Variants in TPCN1 observed in about 807,000 individuals in gnomAD.
TPCN1 encodes the protein two pore channel protein 1.
Under a neutral mutation model 108.8 loss-of-function variants are expected in TPCN1, and 52 were observed. The ratio of observed to expected loss-of-function variants is 0.48; its 90% confidence interval spans 0.38 to 0.60. The LOEUF (loss-of-function observed/expected upper bound fraction) is 0.60, where lower values mean the gene tolerates loss of function less well. TPCN1 is among the 20% of genes least tolerant of loss of function. TPCN1 has a pLI of 0.00. For synonymous variants in TPCN1, 446 were observed against 433.7 expected (o/e 1.03, Z -0.35); for missense variants, 806 against 1,072.8 (o/e 0.75, Z 3.47).
chr12:113,295,443 TAAAAA>T (rs61221998), intron 27 of TPCN1, among the ~76,000 whole-genome samples: 23 of 92,088 alleles, frequency 2.5e-4, no homozygotes, highest in African/African-American at 8.6e-4. Flanking sequence ...CTCTGTCTCC[TAAAAA>T]AAAAAAAAAA....
At chr12:113,283,722 G>T (rs958497751) in intron 15 of TPCN1, among the ~76,000 whole-genome samples, 3 of 152,030 alleles carry the variant, frequency 2.0e-5, no homozygotes, top group Non-Finnish European at 2.9e-5. Flanking sequence ...CACCCAAGCT[G>T]GAGTGCAGTG....
chr12:113,221,546 G>C lies in TPCN1; in HGVS notation c.-206G>C, dbSNP rs1215647436. 4 of 272,230 alleles carry C rather than the reference G, an allele frequency of 1.5e-5. No homozygotes were observed. The highest frequency in any genetic ancestry group is 1.1e-4 in the East Asian group (1 of 9,206). The allele number at this position is 272,230 out of a possible 1,614,324, so 16.9% of individuals were successfully genotyped here. On this transcript the variant is annotated 5_prime_UTR_variant, in exon 1 of 28. Coordinates refer to ENST00000335509, the MANE Select transcript of TPCN1 (RefSeq NM_017901.6). ...CGGCGGCTGCAACAGCTTCGGGCTC[G>C]GGGTTTTGGCGGCGGCGCCGGCGGG...
chr12:113,250,549 T>C (rs1954593371), intron 2 of TPCN1, among the ~76,000 whole-genome samples: 1 of 152,220 alleles, frequency 6.6e-6, no homozygotes, highest in Non-Finnish European at 1.5e-5. Context: ...CAGTCCCCAC[T>C]AAGGGCCCAG....
At position 113,292,965 on chromosome 12, in the gene TPCN1, C is replaced by A; in HGVS notation, c.2145C>A (p.Ile715=). 1 of 1,613,194 alleles carries A rather than the reference C, an allele frequency of 6.2e-7. No individual in the cohort carries two copies. Among genetic ancestry groups the A allele is most frequent in the Non-Finnish European group, 8.5e-7 (1 of 1,180,000 alleles). The change falls in exon 26 of 28, where the codon ATC becomes ATA. Residue 715 remains isoleucine (I), a synonymous_variant. Transcript: ENST00000335509. ...VDGGITLEKE[I]SKEELVAVLE... is the part of the protein sequence containing the mutation. ...GTGGCATCACCCTTGAGAAGGAAATCTCCAAAGAAGAGCTGGTTGCCGTCC... is the reference window on the plus strand; with the variant it reads ...GTGGCATCACCCTTGAGAAGGAAATATCCAAAGAAGAGCTGGTTGCCGTCC...
chr12:113,275,645 T>C (rs1955648005), intron 10 of TPCN1, among the ~76,000 whole-genome samples: 1 of 151,382 alleles, frequency 6.6e-6, no homozygotes, highest in Admixed American at 6.6e-5. Flanking sequence ...CGATCTCGGC[T>C]CACTACAACC....
In TPCN1 at chr12:113,292,983, T is replaced by C. The variant is rs1207773514; in HGVS notation, c.2163T>C (p.Val721=). The change falls in exon 26 of 28, where the codon GTT becomes GTC. Residue 721 remains valine, a synonymous_variant. Transcript: ENST00000335509. ...LEKEISKEEL[V]AVLELYREAR... is the part of the protein sequence containing the mutation. Reference sequence around the variant, plus strand: ...AGGAAATCTCCAAAGAAGAGCTGGTTGCCGTCCTGGAGCTCTACCGGGAGG... The same window carrying C: ...AGGAAATCTCCAAAGAAGAGCTGGTCGCCGTCCTGGAGCTCTACCGGGAGG... The C allele has an allele frequency of 3.7e-6, 6 of 1,613,208 alleles. No homozygotes were observed. The highest frequency in any genetic ancestry group is 5.1e-6 in the Non-Finnish European group (6 of 1,180,006).
rs1350698734 is a variant in TPCN1, at chr12:113,273,313, C to T, written c.842+23C>T. 1.9e-6 allele frequency: 3 copies of T among 1,613,070 alleles called. No individual in the cohort carries two copies. The highest frequency in any genetic ancestry group is 3.3e-5 in the Admixed American group (2 of 60,022). ...CAAGTAAGTGCAGGCTCTGCCTTGC[C>T]TTTGGTCCTCTGCTGCCGCCCTGGG... is the stretch of plus-strand genomic sequence containing the variant. On this transcript the variant is annotated intron_variant, in intron 9 of 27. Transcript: ENST00000335509. The surrounding 1 kb of genome is among the most constrained non-coding windows in gnomAD (Gnocchi z 4.0).
intron 2 of TPCN1, among the ~76,000 whole-genome samples, chr12:113,246,683 GAGGTCGT>G (rs1954399795): frequency 6.6e-6 from 1 of 152,240 alleles, no homozygotes; most frequent in African/African-American, 2.4e-5. Flanking sequence ...GCCCCGTGGT[GAGGTCGT>G]CCTGTCTTCT....
intron 2 of TPCN1, among the ~76,000 whole-genome samples, chr12:113,250,440 C>T (rs1954589341): frequency 6.6e-6 from 1 of 152,226 alleles, no homozygotes; most frequent in African/African-American, 2.4e-5. Flanking sequence ...TGTCCATAAC[C>T]AATAGCTGTG....
At chr12:113,264,556 G>A (rs1232927855) in intron 3 of TPCN1, among the ~76,000 whole-genome samples, 2 of 151,998 alleles carry the variant, frequency 1.3e-5, no homozygotes, top group Non-Finnish European at 2.9e-5. Flanking sequence ...GTGCACGCCT[G>A]TCATTCCAGC....
intron 2 of TPCN1, among the ~76,000 whole-genome samples, chr12:113,251,487 A>G (rs2136530787): frequency 6.6e-6 from 1 of 152,318 alleles, no homozygotes; most frequent in South Asian, 2.1e-4. Context: ...TCGTTCCACC[A>G]TTGGCAACAC....
At position 113,297,978 on chromosome 12, in the gene TPCN1, A is replaced by T. The variant is rs550760433; in HGVS notation, c.*1902A>T. 6.6e-6 allele frequency: 1 copy of T among 152,390 alleles called. No homozygotes were observed. Among genetic ancestry groups the T allele is most frequent in the East Asian group, 1.9e-4 (1 of 5,166 alleles). The allele number at this position is 152,390 out of a possible 1,614,324, so 9.4% of individuals were successfully genotyped here. A position where few individuals can be genotyped will look rare whatever the true frequency, so the allele number is the denominator to read the frequency against. ...CCAGGGGTGGAAACGTGGAGGGGCC[A>T]GCAGCACCCCGGGGTCTGCCCAGGG... On this transcript the variant is annotated 3_prime_UTR_variant, in exon 28 of 28. Coordinates refer to ENST00000335509, the MANE Select transcript of TPCN1 (RefSeq NM_017901.6). This position sits in a 1 kb window ranked among gnomAD's most constrained non-coding sequence, Gnocchi z 4.4.
Position 113,267,829 on chromosome 12 carries a change from C to T in TPCN1, c.415-14C>T. ...GGGCTGGCCATGACACATCTCCACA[C>T]CCTCTGGTCTCAGGTCCACGCCACC... On this transcript the variant is annotated splice_polypyrimidine_tract_variant and intron_variant, in intron 4 of 27. Transcript: ENST00000335509. The T allele has an allele frequency of 2.5e-6, 4 of 1,597,468 alleles. No homozygotes were observed. The highest frequency in any genetic ancestry group is 1.3e-5 in the African/African-American group (1 of 74,692).
intron 15 of TPCN1, among the ~76,000 whole-genome samples, chr12:113,283,916 C>T (rs937491268): frequency 3.9e-5 from 6 of 152,194 alleles, no homozygotes; most frequent in African/African-American, 9.7e-5. Flanking sequence ...TCACGCAATC[C>T]ACCTGCCCCA....
Position 113,268,635 on chromosome 12 carries a change from C to A in TPCN1, c.529-107C>A. 7.0e-7 allele frequency: 1 copy of A among 1,424,704 alleles called. No individual in the cohort carries two copies. The highest frequency in any genetic ancestry group is 9.5e-7 in the Non-Finnish European group (1 of 1,047,274). 88.3% of individuals were successfully genotyped at this position (1,424,704 alleles called of 1,614,324 possible). On this transcript the variant is annotated intron_variant, in intron 5 of 27. Coordinates refer to ENST00000335509, the MANE Select transcript of TPCN1 (RefSeq NM_017901.6). The surrounding 1 kb of genome is among the most constrained non-coding windows in gnomAD (Gnocchi z 7.3). ...TGAGAGGGCTGGAGAGAGGAGAAGGCCTCCCGAGGCCAGAGTGGGCACTGC... is the reference window on the plus strand; with the variant it reads ...TGAGAGGGCTGGAGAGAGGAGAAGGACTCCCGAGGCCAGAGTGGGCACTGC...
Position 113,260,372 on chromosome 12 carries a change from C to A in TPCN1, c.117C>A (p.Gly39=), listed in dbSNP as rs539680511. The A allele has an allele frequency of 8.0e-6, 12 of 1,494,540 alleles. No homozygotes were observed. Among genetic ancestry groups the A allele is most frequent in the Non-Finnish European group, 9.8e-6 (11 of 1,125,048 alleles). The allele number at this position is 1,494,540 out of a possible 1,614,324, so 92.6% of individuals were successfully genotyped here. A position where few individuals can be genotyped will look rare whatever the true frequency, so the allele number is the denominator to read the frequency against. ...LGQEELPSKN[G]GSYAIHDSQA... ...CTCTCTCCTCTTCCAATGCAGATGG[C>A]GGCAGCTATGCCATCCACGACTCCC... Residue 39 remains glycine, a synonymous_variant, in exon 3 of 28, where the codon GGC becomes GGA. Transcript: ENST00000335509.
chr12:113,286,888 G>A, intron 18 of TPCN1, 99 bp from the exon 19 acceptor site: 2 of 795,620 alleles, frequency 2.5e-6, no homozygotes, highest in Non-Finnish European at 4.3e-6. Flanking sequence ...GCTGTGTCTG[G>A]GCTCTGTGGG....
chr12:113,294,869 T>G (rs2136786863), intron 27 of TPCN1, among the ~76,000 whole-genome samples: 1 of 152,308 alleles, frequency 6.6e-6, no homozygotes, highest in South Asian at 2.1e-4. Flanking sequence ...TGCTCTGTTT[T>G]CTGGCATTCT....
At chr12:113,278,357 T>A (rs1434848029) in intron 13 of TPCN1, 120 bp downstream of exon 13, 1 of 915,002 alleles carries the variant, frequency 1.1e-6, no homozygotes, top group Non-Finnish European at 1.8e-6. Context: ...AGCCCCCAGC[T>A]TGGCATGGTA....
Sources: allele counts gnomAD v4.1 joint callset (sites outside exome capture counted in the v4.1 genomes callset), GRCh38; gene constraint gnomAD v4.1.1; non-coding constraint Gnocchi (gnomAD v3.1); transcripts MANE v1.5; gene names NCBI Gene and HGNC (gene_info 2026-07-23, HGNC 2026-07-21).